The following STK38 variants were observed in gnomAD, a reference collection of about 807,000 sequenced individuals.
STK38 encodes serine/threonine kinase 38.
Under a neutral mutation model 59.0 loss-of-function variants are expected in STK38, and 26 were observed. The ratio of observed to expected loss-of-function variants is 0.44; its 90% CI spans 0.32 to 0.61. STK38 has a LOEUF of 0.61. Among genes scored for constraint, STK38 ranks in the 20% least tolerant of loss-of-function variants. STK38 has a pLI of 0.04. For missense variants in STK38, 433 were observed against 566.0 expected (o/e 0.76, Z 2.38); for synonymous variants, 175 against 176.6 (o/e 0.99, Z 0.07).
chr6:36,532,823 C>T (rs1275445151), intron 2 of STK38, among the ~76,000 whole-genome samples: 4 of 152,098 alleles, frequency 2.6e-5, no homozygotes, highest in South Asian at 4.1e-4. Flanking sequence ...CACTTGAACC[C>T]GGGAGGCAGC....
At chr6:36,539,385 CAA>C (rs11296767) in intron 2 of STK38, among the ~76,000 whole-genome samples, 22 of 109,082 alleles carry the variant, frequency 2.0e-4, no homozygotes, top group South Asian at 2.9e-4. Flanking sequence ...GATTCGATCT[CAA>C]AAAAAAAAAA....
chr6:36,542,944 CA>C (rs536334430), intron 1 of STK38, among the ~76,000 whole-genome samples: 1 of 151,238 alleles, frequency 6.6e-6, no homozygotes, highest in Admixed American at 6.6e-5. Context: ...GATTCCGTCT[CA>C]AAAAAAATAA....
intron 2 of STK38, among the ~76,000 whole-genome samples, chr6:36,535,764 T>A (rs1194308073): frequency 2.0e-5 from 3 of 150,932 alleles, no homozygotes. Flanking sequence ...TAGTCCCAGC[T>A]GTTAGGGAGG....
chr6:36,540,066 C>A lies in STK38; in HGVS notation c.131+6G>T. On this transcript the variant is annotated splice_donor_region_variant and intron_variant, in intron 2 of 13. Coordinates refer to ENST00000229812, the MANE Select transcript of STK38 (RefSeq NM_007271.4). Reference sequence around the variant, plus strand: ...TGACACAATTTTTTCAAACAAAATTCTTTACCTCATTTCTCGTTCTTCATG... The same window carrying A: ...TGACACAATTTTTTCAAACAAAATTATTTACCTCATTTCTCGTTCTTCATG... The A allele has an allele frequency of 6.2e-7, 1 of 1,613,216 alleles. No individual in the cohort carries two copies. The highest frequency in any genetic ancestry group is 1.1e-5 in the South Asian group (1 of 90,924).
At position 36,515,325 on chromosome 6, in the gene STK38, GC is replaced by G. The variant is rs751339170; in HGVS notation, c.669+12del. 4.5e-5 allele frequency: 72 copies of G among 1,612,986 alleles called. No homozygotes were observed. The highest frequency in any genetic ancestry group is 3.5e-4 in the African/African-American group (26 of 74,874). On this transcript the variant is annotated intron_variant, in intron 7 of 13. Coordinates refer to ENST00000229812, the MANE Select transcript of STK38 (RefSeq NM_007271.4). ...GTAAACGTGCATAGTTCATGCCAAT[GC>G]CCCCCCAATACCTTGCTGTCCAAAA...
At position 36,515,780 on chromosome 6, in the gene STK38, T is replaced by C. The variant is rs79629139; in HGVS notation, c.515-288A>G. 3.8e-3 allele frequency among the ~76,000 whole-genome samples: 584 copies of C among 152,346 alleles called. 8 individuals carry two copies. Among genetic ancestry groups the C allele is most frequent in the Middle Eastern group, 0.031 (9 of 294 alleles). On this transcript the variant is annotated intron_variant, in intron 6 of 13. Transcript: ENST00000229812. ...TCCCACACTTTAAAAAACAACTGTA[T>C]TTGCTTAGGATAATTTTTTGGACTC...
At chr6:36,505,510 T>C (rs1185601284) in intron 9 of STK38, among the ~76,000 whole-genome samples, 2 of 152,176 alleles carry the variant, frequency 1.3e-5, no homozygotes, top group Non-Finnish European at 2.9e-5. Flanking sequence ...AGGCTTCCAT[T>C]TTCACATGTA....
chr6:36,535,412 G>C (rs1487467782), intron 2 of STK38, among the ~76,000 whole-genome samples: 1 of 143,556 alleles, frequency 7.0e-6, no homozygotes, highest in Non-Finnish European at 1.5e-5. Flanking sequence ...TCACACCGTT[G>C]CACTCCAGCC....
chr6:36,523,666 T>C (rs908262608), intron 4 of STK38, among the ~76,000 whole-genome samples: 8 of 152,222 alleles, frequency 5.3e-5, no homozygotes, highest in African/African-American at 1.7e-4. Context: ...TGACCTTGCA[T>C]GGGCTCTTTC....
chr6:36,527,204 AAAAATATATG>A (rs1450019060), intron 2 of STK38, among the ~76,000 whole-genome samples: 2 of 132,398 alleles, frequency 1.5e-5, no homozygotes, highest in African/African-American at 3.0e-5. Flanking sequence ...AAAAAAAAAA[AAAAATATATG>A]TATATATATA....
chr6:36,509,358 C>G (rs1777047375), intron 7 of STK38, among the ~76,000 whole-genome samples: 2 of 152,208 alleles, frequency 1.3e-5, no homozygotes, highest in South Asian at 4.1e-4. Flanking sequence ...GTCATCCCAT[C>G]TGCCGGGGTT....
At chr6:36,526,220 GT>G (rs60509165) in intron 2 of STK38, among the ~76,000 whole-genome samples, 4,304 of 130,430 alleles carry the variant, frequency 0.033, 69 homozygotes, top group South Asian at 0.059. Flanking sequence ...GGTTTTGGGT[GT>G]TTTTTTTTTT....
At chr6:36,499,748 C>T (rs1776793269) in intron 10 of STK38, 125 bp downstream of exon 10, 2 of 817,218 alleles carry the variant, frequency 2.4e-6, no homozygotes, top group African/African-American at 3.3e-5. Flanking sequence ...CTGTCTAAAA[C>T]AATTCACTTT....
intron 3 of STK38, 55 bp downstream of exon 3, chr6:36,525,535 AC>A: frequency 6.5e-7 from 1 of 1,526,914 alleles, no homozygotes; most frequent in African/African-American, 1.4e-5. Context: ...AACTCACTGG[AC>A]AAGATACAAC....
intron 2 of STK38, among the ~76,000 whole-genome samples, chr6:36,532,498 G>A (rs538577328): frequency 2.3e-4 from 35 of 152,128 alleles, no homozygotes; most frequent in African/African-American, 6.3e-4. Flanking sequence ...GGTACTAGCC[G>A]GATGTGATGG....
At chr6:36,514,638 T>C (rs572390571) in intron 7 of STK38, among the ~76,000 whole-genome samples, 1 of 152,216 alleles carries the variant, frequency 6.6e-6, no homozygotes, top group South Asian at 2.1e-4. Flanking sequence ...GTTTAGGAAC[T>C]AGGCAACTAC....
intron 8 of STK38, among the ~76,000 whole-genome samples, chr6:36,507,214 G>T (rs1316156079): frequency 6.6e-6 from 1 of 152,016 alleles, no homozygotes; most frequent in Non-Finnish European, 1.5e-5. Flanking sequence ...GTTCCCAGGA[G>T]TTTTTCCTCT....
At chr6:36,536,847 A>AT (rs879632844) in intron 2 of STK38, among the ~76,000 whole-genome samples, 150 of 148,388 alleles carry the variant, frequency 1.0e-3, no homozygotes, top group East Asian at 3.5e-3. Flanking sequence ...AAATTAGTTA[A>AT]TTTTTTTTTT....
At chr6:36,523,488 C>T (rs1285437496) in intron 4 of STK38, among the ~76,000 whole-genome samples, 3 of 151,420 alleles carry the variant, frequency 2.0e-5, no homozygotes, top group Non-Finnish European at 1.5e-5. Context: ...TCTCGAACTC[C>T]TGACCTTGTG....
Sources: allele counts gnomAD v4.1 joint callset (sites outside exome capture counted in the v4.1 genomes callset), GRCh38; gene constraint gnomAD v4.1.1; transcripts MANE v1.5; gene names NCBI Gene and HGNC (gene_info 2026-07-23, HGNC 2026-07-21).